Variants in SPAG16 observed in about 807,000 individuals in gnomAD.
The protein encoded by SPAG16 is sperm associated antigen 16.
SPAG16 carries 86 observed loss-of-function variants against 80.4 expected under a neutral mutation model. The ratio of observed to expected loss-of-function variants is 1.07; its 90% confidence interval spans 0.90 to 1.28. SPAG16 has a LOEUF of 1.28. Among genes scored for constraint, SPAG16 ranks in the 50% most tolerant of loss-of-function variants. The pLI is 0.00. For missense variants in SPAG16, 870 were observed against 765.3 expected (o/e 1.14, Z -1.61); for synonymous variants, 294 against 265.9 (o/e 1.11, Z -1.03).
chr2:213,298,846 C>T (rs2062610144), intron 3 of SPAG16, among the ~76,000 whole-genome samples: 1 of 152,140 alleles, frequency 6.6e-6, no homozygotes. Context: ...CTTTTTACCT[C>T]ATTTTAAAAA....
chr2:213,430,396 G>A (rs746621599), intron 9 of SPAG16, among the ~76,000 whole-genome samples: 4 of 152,266 alleles, frequency 2.6e-5, no homozygotes, highest in South Asian at 2.1e-4. Flanking sequence ...GGCTGCATGC[G>A]GCCCAGGACA....
chr2:214,013,377 A>C (rs2047415874), intron 12 of SPAG16, among the ~76,000 whole-genome samples: 1 of 152,010 alleles, frequency 6.6e-6, no homozygotes, highest in South Asian at 2.1e-4. Flanking sequence ...GTTTTGTAAT[A>C]TACAATATTT....
chr2:213,646,292 C>T (rs1245064180), intron 10 of SPAG16, among the ~76,000 whole-genome samples: 3 of 151,916 alleles, frequency 2.0e-5, no homozygotes, highest in African/African-American at 7.2e-5. Context: ...CTTATGGGGG[C>T]GGGGTTGGGG....
intron 9 of SPAG16, among the ~76,000 whole-genome samples, chr2:213,452,584 G>A (rs1029384743): frequency 6.6e-6 from 1 of 152,176 alleles, no homozygotes; most frequent in Non-Finnish European, 1.5e-5. Context: ...GAAACAGAGT[G>A]ATCTAATTAA....
intron 13 of SPAG16, among the ~76,000 whole-genome samples, chr2:214,038,558 A>T (rs1214996602): frequency 1.3e-5 from 2 of 151,816 alleles, no homozygotes; most frequent in Admixed American, 1.3e-4. Flanking sequence ...ATTTTTTTTA[A>T]TACTTTAAGT....
intron 9 of SPAG16, among the ~76,000 whole-genome samples, chr2:213,434,408 C>T (rs370317298): frequency 6.2e-4 from 95 of 152,132 alleles, no homozygotes; most frequent in African/African-American, 1.7e-3. Context: ...CATTGATTTA[C>T]GCAAGGAATT....
chr2:214,170,876 A>G (rs535080713), intron 15 of SPAG16, among the ~76,000 whole-genome samples: 3 of 152,190 alleles, frequency 2.0e-5, no homozygotes, highest in African/African-American at 7.2e-5. Flanking sequence ...ATATAACTCT[A>G]ACCATTTCTT....
intron 15 of SPAG16, among the ~76,000 whole-genome samples, chr2:214,157,305 T>G (rs935570818): frequency 6.6e-6 from 1 of 152,170 alleles, no homozygotes; most frequent in South Asian, 2.1e-4. Context: ...ACACATGTTC[T>G]TACAGTTCTG....
chr2:213,336,359 T>C (rs2124919269), intron 5 of SPAG16, among the ~76,000 whole-genome samples: 1 of 150,904 alleles, frequency 6.6e-6, no homozygotes, highest in South Asian at 2.2e-4. Context: ...TGTCCACTCC[T>C]GTGGGAAGGG....
chr2:214,177,916 C>CATATATATATATATATACATATATATAT (rs2057155018), intron 15 of SPAG16, among the ~76,000 whole-genome samples: 1 of 92,204 alleles, frequency 1.1e-5, no homozygotes, highest in Admixed American at 1.2e-4. Flanking sequence ...TATATATATA[C>CATATATATATATATATACATATATATAT]ATATATATAT....
intron 15 of SPAG16, among the ~76,000 whole-genome samples, chr2:214,347,920 C>T (rs1330612538): frequency 6.6e-6 from 1 of 152,134 alleles, no homozygotes; most frequent in African/African-American, 2.4e-5. Context: ...GCATCAAGAC[C>T]TCAGAGGACA....
intron 9 of SPAG16, among the ~76,000 whole-genome samples, chr2:213,392,768 C>A (rs1369086385): frequency 1.3e-5 from 2 of 151,792 alleles, no homozygotes; most frequent in African/African-American, 4.8e-5. Flanking sequence ...ATTGCTTGAA[C>A]CCGGGAGGCA....
At chr2:213,294,244 T>A (rs1174868224) in intron 1 of SPAG16, among the ~76,000 whole-genome samples, 5 of 152,170 alleles carry the variant, frequency 3.3e-5, no homozygotes, top group African/African-American at 1.2e-4. Context: ...TGGAGTAGGG[T>A]GTTAAATAAG....
At chr2:213,843,908 T>C (rs991547834) in intron 10 of SPAG16, among the ~76,000 whole-genome samples, 2 of 152,146 alleles carry the variant, frequency 1.3e-5, no homozygotes, top group Non-Finnish European at 2.9e-5. Flanking sequence ...CACTATGACC[T>C]AAGTTAGGAT....
intron 11 of SPAG16, among the ~76,000 whole-genome samples, chr2:213,865,024 T>TA (rs910279633): frequency 9.9e-5 from 15 of 152,022 alleles, no homozygotes; most frequent in Non-Finnish European, 2.1e-4. Context: ...AAGATGATAG[T>TA]AAAAAAATGT....
At chr2:213,518,195 C>T (rs2075515997) in intron 10 of SPAG16, among the ~76,000 whole-genome samples, 2 of 152,176 alleles carry the variant, frequency 1.3e-5, no homozygotes, top group Admixed American at 1.3e-4. Flanking sequence ...CATATGAAAA[C>T]ATGCTCATCA....
At chr2:213,396,728 C>T (rs770053518) in intron 9 of SPAG16, 15 of 444,132 alleles carry the variant, frequency 3.4e-5, no homozygotes, top group South Asian at 2.4e-4. Flanking sequence ...CAGCAGGAGC[C>T]AAATGGGAAA....
intron 11 of SPAG16, among the ~76,000 whole-genome samples, chr2:213,921,441 G>A (rs2078219963): frequency 6.6e-6 from 1 of 152,002 alleles, no homozygotes; most frequent in Admixed American, 6.6e-5. Flanking sequence ...ATGTGAGATG[G>A]GTCTCTTGAA....
At chr2:214,137,207 A>G (rs2055101767) in intron 14 of SPAG16, among the ~76,000 whole-genome samples, 1 of 152,114 alleles carries the variant, frequency 6.6e-6, no homozygotes, top group Admixed American at 6.6e-5. Context: ...ACCATTTCTG[A>G]TTTATTTTCA....
Sources: allele counts gnomAD v4.1 joint callset (sites outside exome capture counted in the v4.1 genomes callset), GRCh38; gene constraint gnomAD v4.1.1; transcripts MANE v1.5; gene names NCBI Gene and HGNC (gene_info 2026-07-23, HGNC 2026-07-21).